Variants in PDE10A observed in about 807,000 individuals in gnomAD.
The protein encoded by PDE10A is cAMP and cAMP-inhibited cGMP 3',5'-cyclic phosphodiesterase 10A.
A neutral mutation model predicts 97.7 loss-of-function variants in PDE10A; 39 were observed. That is an observed-to-expected ratio of 0.40 (90% confidence interval 0.31 to 0.52). The LOEUF is 0.52. Ranked by LOEUF, PDE10A falls within the 20% of genes least tolerant of loss-of-function variation. PDE10A has a pLI of 0.56. For synonymous variants in PDE10A, 371 were observed against 376.8 expected, an observed-to-expected ratio of 0.98 and a Z score of 0.18; for missense variants, 731 against 1,047.8, an observed-to-expected ratio of 0.70 and a Z score of 4.17.
intron 1 of PDE10A, among the ~76,000 whole-genome samples, chr6:165,895,673 C>T (rs188815992): frequency 1.3e-5 from 2 of 152,202 alleles, no homozygotes; most frequent in Non-Finnish European, 2.9e-5. Flanking sequence ...CTTGCCAAGC[C>T]TGCACGTGCC....
At chr6:165,667,528 A>T (rs1562673575), upstream of PDE10A, among the ~76,000 whole-genome samples, 1 of 152,070 alleles carries the variant, frequency 6.6e-6, no homozygotes, top group African/African-American at 2.4e-5. Context: ...TTAAATTGTA[A>T]ATAAAATTAG....
chr6:165,621,769 A>AG (rs1456194117), intron 1 of PDE10A, among the ~76,000 whole-genome samples: 17 of 147,334 alleles, frequency 1.2e-4, no homozygotes, highest in East Asian at 3.9e-4. Context: ...AAAAGAAAAA[A>AG]AAAAGAAGAA....
At chr6:165,937,852 C>T (rs1054894815) in intron 1 of PDE10A, among the ~76,000 whole-genome samples, 6 of 152,142 alleles carry the variant, frequency 3.9e-5, no homozygotes, top group Admixed American at 1.3e-4. Flanking sequence ...CTAATAAATG[C>T]TAACCAAACT....
chr6:165,877,120 C>T (rs1455883463), intron 1 of PDE10A, among the ~76,000 whole-genome samples: 1 of 152,220 alleles, frequency 6.6e-6, no homozygotes, highest in Non-Finnish European at 1.5e-5. Flanking sequence ...CCTGAAGGCA[C>T]TATCTGCTTT....
intron 1 of PDE10A, among the ~76,000 whole-genome samples, chr6:165,756,243 G>A (rs965344433): frequency 5.9e-5 from 9 of 152,088 alleles, no homozygotes; most frequent in Non-Finnish European, 1.2e-4. Flanking sequence ...AGAAGATGGA[G>A]GTTTCCAGAA....
intron 1 of PDE10A, among the ~76,000 whole-genome samples, chr6:165,672,839 GA>G (rs1790686277): frequency 1.3e-5 from 2 of 152,182 alleles, no homozygotes. Flanking sequence ...GGTACTCGAA[GA>G]ACGGTTTCTC....
chr6:165,727,574 C>CTCACCA (rs1792331847), intron 1 of PDE10A, among the ~76,000 whole-genome samples: 3 of 152,160 alleles, frequency 2.0e-5, no homozygotes. Context: ...AGTGCACCAG[C>CTCACCA]TCACCAGTTC....
chr6:165,446,288 G>T (rs756007254), intron 5 of PDE10A, among the ~76,000 whole-genome samples: 1 of 152,084 alleles, frequency 6.6e-6, no homozygotes. Context: ...AAATTCTAGA[G>T]AATGCATTTC....
chr6:165,765,729 T>C (rs1025506316), intron 1 of PDE10A, among the ~76,000 whole-genome samples: 1 of 151,920 alleles, frequency 6.6e-6, no homozygotes, highest in East Asian at 1.9e-4. Context: ...AGAAAGGGGC[T>C]CCCACAGTGC....
At chr6:165,486,978 T>G (rs1452525283) in intron 2 of PDE10A, among the ~76,000 whole-genome samples, 1 of 152,128 alleles carries the variant, frequency 6.6e-6, no homozygotes, top group Non-Finnish European at 1.5e-5. Context: ...AGGGCCTTCT[T>G]TCCCACGGCT....
chr6:165,652,465 G>A (rs1212879985), intron 1 of PDE10A, among the ~76,000 whole-genome samples: 3 of 152,102 alleles, frequency 2.0e-5, no homozygotes, highest in East Asian at 3.8e-4. Flanking sequence ...AGGATTACCG[G>A]CAAGAGCCAC....
chr6:165,855,309 G>GGC (rs1554332701), intron 1 of PDE10A, among the ~76,000 whole-genome samples: 3 of 142,768 alleles, frequency 2.1e-5, no homozygotes, highest in Non-Finnish European at 4.6e-5. Context: ...AAGTGGCGGG[G>GGC]GGGGGGGGGG....
chr6:165,372,813 A>C (rs953148064), intron 18 of PDE10A, among the ~76,000 whole-genome samples: 1 of 147,422 alleles, frequency 6.8e-6, no homozygotes, highest in Non-Finnish European at 1.5e-5. Flanking sequence ...GCATCACGCT[A>C]CCTGACTTCA....
chr6:165,348,470 A>C (rs1782463933), intron 18 of PDE10A, among the ~76,000 whole-genome samples: 1 of 152,178 alleles, frequency 6.6e-6, no homozygotes, highest in Non-Finnish European at 1.5e-5. Flanking sequence ...CAATAATTCT[A>C]CTTTTGCCTA....
rs1562551954 is a variant in PDE10A at position 165,529,021 on chromosome 6, T to C, written c.994+14419A>G. ...CACCCCTAGTGATCCATTAGCAAAA[T>C]TTTTGCTTCCTGTTCCTGAGACATT... On this transcript the variant is annotated intron_variant, in intron 2 of 21. Coordinates refer to ENST00000539869, the MANE Select transcript of PDE10A (RefSeq NM_001385079.1). Among the ~76,000 whole-genome samples, 6 of 152,180 alleles carry C rather than the reference T, an allele frequency of 3.9e-5. No individual in the cohort carries two copies. In the South Asian group the frequency reaches 1.2e-3, roughly 32 times the overall value.
intron 1 of PDE10A, among the ~76,000 whole-genome samples, chr6:165,720,921 C>G (rs751007021): frequency 1.2e-4 from 18 of 152,156 alleles, no homozygotes; most frequent in Admixed American, 3.3e-4. Context: ...GTCCATTGAT[C>G]GTGCCCAAGA....
chr6:165,856,140 G>A (rs1299716513), intron 1 of PDE10A, among the ~76,000 whole-genome samples: 1 of 152,212 alleles, frequency 6.6e-6, no homozygotes, highest in Non-Finnish European at 1.5e-5. Flanking sequence ...GGGCTGGGCT[G>A]TTGTGGAAAT....
chr6:165,820,652 G>T (rs1779543962), intron 1 of PDE10A, among the ~76,000 whole-genome samples: 1 of 152,164 alleles, frequency 6.6e-6, no homozygotes, highest in African/African-American at 2.4e-5. Context: ...TGCTTCATAT[G>T]CACAAGAAAC....
intron 1 of PDE10A, among the ~76,000 whole-genome samples, chr6:165,826,908 G>A (rs1348597941): frequency 3.9e-5 from 6 of 151,914 alleles, no homozygotes; most frequent in African/African-American, 1.2e-4. Context: ...GTCATGAGGT[G>A]GGCGCAGGCG....
Sources: allele counts gnomAD v4.1 joint callset (sites outside exome capture counted in the v4.1 genomes callset), GRCh38; gene constraint gnomAD v4.1.1; transcripts MANE v1.5; gene names NCBI Gene and HGNC (gene_info 2026-07-23, HGNC 2026-07-21).